Variants in TNK2 observed in about 807,000 individuals in gnomAD.
TNK2 encodes the protein activated CDC42 kinase 1.
TNK2 carries 83 observed loss-of-function variants against 101.8 expected under a neutral mutation model. The observed-to-expected ratio is 0.82, with a 90% confidence interval of 0.68 to 0.98. The LOEUF (loss-of-function observed/expected upper bound fraction) is 0.98, where lower values mean the gene tolerates loss of function less well. Among genes scored for constraint, TNK2 ranks in the 50% least tolerant of loss-of-function variants. The pLI is 0.00. For missense variants in TNK2, 1,665 were observed against 1,483.2 expected (o/e 1.12, Z -2.01); for synonymous variants, 804 against 633.0 (o/e 1.27, Z -4.06).
chr3:195,896,142 A>G (rs1290343029), intron 1 of TNK2: 3 of 455,300 alleles, frequency 6.6e-6, no homozygotes, highest in African/African-American at 2.0e-5. Flanking sequence ...CGCGCCCAGC[A>G]CTGGCGCGAG....
intron 11 of TNK2, chr3:195,869,906 C>T (rs1743795848): frequency 5.3e-6 from 3 of 561,924 alleles, no homozygotes; most frequent in African/African-American, 1.9e-5. Flanking sequence ...TGCTGCAGAC[C>T]CAGCCCGAGG....
intron 1 of TNK2, among the ~76,000 whole-genome samples, chr3:195,907,760 G>T (rs1761890676): frequency 6.6e-6 from 1 of 152,200 alleles, no homozygotes; most frequent in African/African-American, 2.4e-5. Flanking sequence ...ATACCACAGC[G>T]GCCCATCTGC....
rs183492056 is a variant in TNK2 at position 195,891,292 on chromosome 3, G to A, written c.-18-2686C>T. On this transcript the variant is annotated intron_variant, in intron 1 of 15. Coordinates refer to ENST00000672887, the MANE Select transcript of TNK2 (RefSeq NM_001382273.1). ...CTGGTGGCACATGCCTGTAATCTCA[G>A]CTACTCAGGAGGCTGAGGCAGGAGA... Among the ~76,000 whole-genome samples the A allele has an allele frequency of 7.6e-3, 1,159 of 152,350 alleles. 15 individuals are homozygous for A. The highest frequency in any genetic ancestry group is 0.026 in the African/African-American group (1,095 of 41,582).
chr3:195,869,996 T>C, intron 11 of TNK2, 118 bp downstream of exon 11: 1 of 787,552 alleles, frequency 1.3e-6, no homozygotes, highest in Non-Finnish European at 2.0e-6. Context: ...TCCCGCCTGC[T>C]GCCCTGACCC....
At position 195,867,995 on chromosome 3, in the gene TNK2, T is replaced by C. The variant is rs760802031; in HGVS notation, c.2303A>G (p.His768Arg). 6.4e-7 allele frequency: 1 copy of C among 1,561,430 alleles called. No homozygotes were observed. The highest frequency in any genetic ancestry group is 2.3e-5 in the East Asian group (1 of 43,558). Residue 768 changes from histidine to arginine, a missense_variant, in exon 13 of 16, where the codon CAC becomes CGC. By Grantham distance (29) the His-to-Arg change is conservative. Coordinates refer to ENST00000672887, the MANE Select transcript of TNK2 (RefSeq NM_001382273.1). ...CGGGGGGGCTGGAGACAGCTGGACGTGTGGGCGCGTGGGCCGAGGGGGGAT... is the reference window on the plus strand; with the variant it reads ...CGGGGGGGCTGGAGACAGCTGGACGCGTGGGCGCGTGGGCCGAGGGGGGAT... Reference protein sequence around the residue: ...VPIPPRPTRPHVQLSPAPPGE... With the variant: ...VPIPPRPTRPRVQLSPAPPGE...
chr3:195,887,189 G>C (rs769336491), intron 2 of TNK2, 142 bp from the exon 3 acceptor site: 2 of 796,570 alleles, frequency 2.5e-6, no homozygotes, highest in Admixed American at 4.8e-5. Flanking sequence ...CAACTAACCC[G>C]GAGCCTCAAC....
intron 1 of TNK2, among the ~76,000 whole-genome samples, chr3:195,902,066 G>A (rs897880953): frequency 1.1e-4 from 17 of 152,178 alleles, no homozygotes; most frequent in African/African-American, 4.1e-4. Flanking sequence ...AGGATGTTCT[G>A]AATGCCATAG....
At position 195,872,399 on chromosome 3, in the gene TNK2, A is replaced by G; in HGVS notation, c.1328T>C (p.Val443Ala). ...LCVGPFPRNV[V>A]TSVAGLSAQD... ...GGCCGACAGGCCGGCCACGGAGGTC[A>G]CCACGTTGCGAGGGAAGGGCCCCAC... Residue 443 changes from valine (V) to alanine (A), a missense_variant, in exon 10 of 16, where the codon GTG becomes GCG. Physicochemically the swap from Val to Ala is moderately conservative, Grantham distance 64. Coordinates refer to ENST00000672887, the MANE Select transcript of TNK2 (RefSeq NM_001382273.1). 1 of 1,613,250 alleles carries G rather than the reference A, an allele frequency of 6.2e-7. No individual in the cohort carries two copies. The highest frequency in any genetic ancestry group is 8.5e-7 in the Non-Finnish European group (1 of 1,179,828).
At position 195,865,927 on chromosome 3, in the gene TNK2, G is replaced by A. The variant is rs182011958; in HGVS notation, c.3161+962C>T. Among the ~76,000 whole-genome samples, 88 of 152,298 alleles carry A rather than the reference G, an allele frequency of 5.8e-4. 3 individuals are homozygous for A. The highest frequency in any genetic ancestry group is 5.3e-3 in the Admixed American group (81 of 15,302). ...CACGCTTTATATGTGGAGAAACTCC[G>A]CACCGTGCACAGGGCCACGCTGCTG... On this transcript the variant is annotated intron_variant, in intron 15 of 15. Coordinates refer to ENST00000672887, the MANE Select transcript of TNK2 (RefSeq NM_001382273.1).
intron 2 of TNK2, among the ~76,000 whole-genome samples, chr3:195,887,932 G>A (rs1489385288): frequency 7.6e-6 from 1 of 131,902 alleles, no homozygotes; most frequent in Non-Finnish European, 1.6e-5. Context: ...GTGCACGTGT[G>A]TGCGCATGTG....
rs368642093 is a variant in TNK2, at chr3:195,906,549, CAG to C, written c.-19+1934_-19+1935del. Among the ~76,000 whole-genome samples the C allele has an allele frequency of 1.8e-3, 270 of 151,248 alleles. 1 individual carries two copies. Among genetic ancestry groups the C allele is most frequent in the African/African-American group, 6.4e-3 (263 of 41,106 alleles). ...AATGCTGCAAACTCAGACACAGTGACAGAAAGTAGACCAGCCTGTTACCTGGG... is the reference window on the plus strand; with the variant it reads ...AATGCTGCAAACTCAGACACAGTGACAAAGTAGACCAGCCTGTTACCTGGG... On this transcript the variant is annotated intron_variant, in intron 1 of 15. Transcript: ENST00000672887.
intron 6 of TNK2, among the ~76,000 whole-genome samples, chr3:195,879,743 GAGGAGGGTGGTGCCC>G (rs1751343647): frequency 6.6e-6 from 1 of 152,120 alleles, no homozygotes; most frequent in Non-Finnish European, 1.5e-5. Context: ...GAGGTGCAGA[GAGGAGGGTGGTGCCC>G]AGACAGGGAA....
intron 9 of TNK2, chr3:195,876,736 C>A (rs759209883): frequency 9.2e-6 from 4 of 432,640 alleles, no homozygotes; most frequent in South Asian, 6.5e-5. Context: ...CTGGGGCCAA[C>A]GGGGGCCTTC....
At chr3:195,884,251 G>A (rs1754584213) in intron 4 of TNK2, 1 of 152,120 alleles carries the variant, frequency 6.6e-6, no homozygotes, top group African/African-American at 2.4e-5. Flanking sequence ...TCTGAGTGGT[G>A]GGATTACAGG....
At chr3:195,898,538 CCT>C (rs1447810641) in intron 1 of TNK2, among the ~76,000 whole-genome samples, 2 of 152,190 alleles carry the variant, frequency 1.3e-5, no homozygotes, top group Non-Finnish European at 2.9e-5. Context: ...TAGTTCCCCA[CCT>C]CTCTCTCTTA....
Position 195,885,270 on chromosome 3 carries a change from C to A in TNK2, c.235-237G>T. 1 of 1,185,682 alleles carries A rather than the reference C, an allele frequency of 8.4e-7. No homozygotes were observed. Among genetic ancestry groups the A allele is most frequent in the Non-Finnish European group, 1.1e-6 (1 of 874,452 alleles). The allele number at this position is 1,185,682 out of a possible 1,614,324, so 73.4% of individuals were successfully genotyped here. A position where few individuals can be genotyped will look rare whatever the true frequency, so the allele number is the denominator to read the frequency against. ...AAGGAGGGTGCCAGAAAGAGACCGA[C>A]AGGCATGCAGCCTGTGGCTGAGCGG... On this transcript the variant is annotated intron_variant, in intron 3 of 15. Coordinates refer to ENST00000672887, the MANE Select transcript of TNK2 (RefSeq NM_001382273.1). The surrounding 1 kb of genome is among the most constrained non-coding windows in gnomAD (Gnocchi z 4.7).
intron 10 of TNK2, among the ~76,000 whole-genome samples, chr3:195,871,360 T>G (rs1480150714): frequency 6.6e-6 from 1 of 152,058 alleles, no homozygotes; most frequent in African/African-American, 2.4e-5. Flanking sequence ...CACCTAACGT[T>G]CCCTCTGCAG....
At chr3:195,887,926 A>C (rs1560528630) in intron 2 of TNK2, among the ~76,000 whole-genome samples, 1 of 139,864 alleles carries the variant, frequency 7.1e-6, no homozygotes, top group African/African-American at 2.9e-5. Context: ...GCGTGCGTGC[A>C]CGTGTGTGCG....
intron 12 of TNK2, 194 bp from the exon 13 acceptor site, chr3:195,868,903 C>T: frequency 1.6e-6 from 1 of 617,914 alleles, no homozygotes; most frequent in South Asian, 2.1e-5. Flanking sequence ...GAGGGCGGAA[C>T]CTGCTCTGCC....
Sources: gnomAD v4.1 joint callset for allele counts (sites outside exome capture counted in the v4.1 genomes callset) on GRCh38, gnomAD v4.1.1 for gene constraint, Gnocchi (gnomAD v3.1) non-coding constraint, MANE v1.5 for transcripts, NCBI Gene and HGNC (gene_info 2026-07-23, HGNC 2026-07-21) for gene names.